The following GPC5 variants were observed in gnomAD, a reference collection of about 807,000 sequenced individuals.
GPC5 encodes glypican-5.
In GPC5, 47 loss-of-function variants were observed where a neutral mutation model predicts 53.9. The ratio of observed to expected loss-of-function variants is 0.87; its 90% CI spans 0.69 to 1.11. The LOEUF is 1.11. Ranked by LOEUF, GPC5 falls within the 50% of genes most tolerant of loss-of-function variation. The probability of loss-of-function intolerance (pLI) is 0.00; values close to 1 mark genes in which losing one functional copy is unlikely to be tolerated. For synonymous variants in GPC5, 286 were observed against 263.3 expected (o/e 1.09, Z -0.84); for missense variants, 748 against 713.1 (o/e 1.05, Z -0.56).
At chr13:92,504,303 G>A (rs1429560053) in intron 7 of GPC5, among the ~76,000 whole-genome samples, 3 of 151,900 alleles carry the variant, frequency 2.0e-5, no homozygotes, top group Non-Finnish European at 4.4e-5. Context: ...GAAACAGAAT[G>A]TTGACAGGTA....
intron 2 of GPC5, among the ~76,000 whole-genome samples, chr13:91,576,071 G>A (rs2032121215): frequency 6.6e-6 from 1 of 152,106 alleles, no homozygotes; most frequent in African/African-American, 2.4e-5. Flanking sequence ...AGTCATAGCA[G>A]TGTAGGATGG....
chr13:91,660,387 T>TGGAAGCAA (rs2034959451), intron 2 of GPC5, among the ~76,000 whole-genome samples: 1 of 152,144 alleles, frequency 6.6e-6, no homozygotes, highest in African/African-American at 2.4e-5. Flanking sequence ...TAAGTGAGCC[T>TGGAAGCAA]GGAAGCAAAT....
At chr13:92,850,892 C>T (rs1878774076) in intron 7 of GPC5, among the ~76,000 whole-genome samples, 1 of 152,100 alleles carries the variant, frequency 6.6e-6, no homozygotes, top group South Asian at 2.1e-4. Flanking sequence ...TGTATTAGTC[C>T]ATTCTCACTC....
chr13:92,333,948 C>T (rs1594107452), intron 7 of GPC5, among the ~76,000 whole-genome samples: 1 of 151,774 alleles, frequency 6.6e-6, no homozygotes, highest in African/African-American at 2.4e-5. Flanking sequence ...CAAAACAAAA[C>T]AAAACAAAAC....
chr13:92,505,334 A>G (rs1470780467), intron 7 of GPC5, among the ~76,000 whole-genome samples: 2 of 152,064 alleles, frequency 1.3e-5, no homozygotes, highest in Non-Finnish European at 2.9e-5. Flanking sequence ...GAAAGAAGAC[A>G]TGGAAGTCCA....
At chr13:92,016,927 T>C (rs935479248) in intron 6 of GPC5, among the ~76,000 whole-genome samples, 1 of 152,132 alleles carries the variant, frequency 6.6e-6, no homozygotes, top group Non-Finnish European at 1.5e-5. Context: ...ACTGATATTA[T>C]AGGGAGTACA....
chr13:91,834,123 C>A lies in GPC5; in HGVS notation c.1281-73814C>A, dbSNP rs2038695634. On this transcript the variant is annotated intron_variant, in intron 5 of 7. Transcript: ENST00000377067. ...ATAACAAACACACAGAGAGCCAAAT[C>A]ATGAGTGAACTCCCATTCACAATTG... 6.6e-5 allele frequency among the ~76,000 whole-genome samples: 10 copies of A among 152,252 alleles called. No individual in the cohort carries two copies. In the South Asian group the frequency reaches 2.1e-3, roughly 32 times the overall value.
chr13:91,859,723 A>AC (rs138246107), intron 5 of GPC5, among the ~76,000 whole-genome samples: 28,658 of 151,590 alleles, frequency 0.19, 2,998 homozygotes, highest in East Asian at 0.31. Context: ...TTTACTATTT[A>AC]TTTCAATTTC....
chr13:91,610,620 G>A (rs1311390759), intron 2 of GPC5, among the ~76,000 whole-genome samples: 2 of 152,142 alleles, frequency 1.3e-5, no homozygotes, highest in East Asian at 3.8e-4. Flanking sequence ...TTTGCTGTAA[G>A]TTTAGCTTTA....
intron 7 of GPC5, among the ~76,000 whole-genome samples, chr13:92,675,700 G>C (rs775396133): frequency 1.3e-5 from 2 of 151,924 alleles, no homozygotes; most frequent in African/African-American, 4.8e-5. Flanking sequence ...TACTTAGCAC[G>C]TGCTTTAATA....
chr13:91,577,791 T>A (rs1232564421), intron 2 of GPC5, among the ~76,000 whole-genome samples: 1 of 152,224 alleles, frequency 6.6e-6, no homozygotes, highest in Non-Finnish European at 1.5e-5. Context: ...GTCTTTTTCA[T>A]AGTCTCCTGA....
At chr13:92,042,760 G>A (rs1180616186) in intron 6 of GPC5, among the ~76,000 whole-genome samples, 2 of 152,154 alleles carry the variant, frequency 1.3e-5, no homozygotes, top group South Asian at 2.1e-4. Flanking sequence ...CCATTGATGG[G>A]TCCCATTGGT....
chr13:91,457,657 A>G (rs556675887), intron 2 of GPC5, among the ~76,000 whole-genome samples: 83 of 152,252 alleles, frequency 5.5e-4, no homozygotes, highest in Non-Finnish European at 1.1e-3. Context: ...AGAAAAGGTA[A>G]TTAACCAAAA....
intron 7 of GPC5, among the ~76,000 whole-genome samples, chr13:92,651,721 A>G (rs192573437): frequency 7.0e-4 from 106 of 152,296 alleles, no homozygotes; most frequent in African/African-American, 2.1e-3. Context: ...AAAAATGTTA[A>G]TAATAGGAGA....
At chr13:92,105,476 AC>A (rs1326700730) in intron 6 of GPC5, among the ~76,000 whole-genome samples, 1 of 152,100 alleles carries the variant, frequency 6.6e-6, no homozygotes, top group Non-Finnish European at 1.5e-5. Flanking sequence ...ATTTAGTTCA[AC>A]TTTTGTTTAA....
chr13:91,886,511 A>G (rs1594641179), intron 5 of GPC5, among the ~76,000 whole-genome samples: 1 of 152,182 alleles, frequency 6.6e-6, no homozygotes. Flanking sequence ...TTTCAGCATT[A>G]ATTGAAAAGT....
chr13:92,538,614 C>T (rs1881805957), intron 7 of GPC5, among the ~76,000 whole-genome samples: 1 of 146,078 alleles, frequency 6.8e-6, no homozygotes, highest in South Asian at 2.2e-4. Flanking sequence ...CCTCCCCTTG[C>T]AACTCACCAC....
chr13:91,926,044 G>A lies in GPC5; in HGVS notation c.1401+17987G>A, dbSNP rs567867009. Among the ~76,000 whole-genome samples, 10 of 152,162 alleles carry A rather than the reference G, an allele frequency of 6.6e-5. No individual in the cohort carries two copies. In the South Asian group the frequency reaches 1.7e-3, roughly 25 times the overall value. ...GGCACCTTGGTAGCCATCAGCCATT[G>A]CCACAATGATTCTGCATTAAAAAAT... On this transcript the variant is annotated intron_variant, in intron 6 of 7. Transcript: ENST00000377067.
At chr13:91,727,849 T>C (rs981842454) in intron 3 of GPC5, among the ~76,000 whole-genome samples, 11 of 152,182 alleles carry the variant, frequency 7.2e-5, no homozygotes, top group African/African-American at 2.7e-4. Context: ...TGATGCTTTA[T>C]ATGGTAAAAT....
Sources: allele counts gnomAD v4.1 joint callset (sites outside exome capture counted in the v4.1 genomes callset), GRCh38; gene constraint gnomAD v4.1.1; transcripts MANE v1.5; gene names NCBI Gene and HGNC (gene_info 2026-07-23, HGNC 2026-07-21).